PVT1: variants seen among roughly 807,000 people sequenced by gnomAD.
The protein encoded by PVT1 is Pvt1 oncogene, also known as CXCR4/PVT1 fusion.
intron 5 of PVT1, among the ~76,000 whole-genome samples, chr8:128,095,845 A>G (rs1814421383): frequency 6.6e-6 from 1 of 152,226 alleles, no homozygotes; most frequent in African/African-American, 2.4e-5. Flanking sequence ...CCTTTCTAAG[A>G]TACTTATGGA....
At chr8:127,877,466 C>T (rs183925678) in intron 2 of PVT1, among the ~76,000 whole-genome samples, 53 of 152,064 alleles carry the variant, frequency 3.5e-4, no homozygotes, top group African/African-American at 1.2e-3. Flanking sequence ...ACCTCTACCC[C>T]GAGGGTCTCT....
At chr8:128,044,011 A>ATTTTTTTTTTT (rs66807418) in intron 4 of PVT1, among the ~76,000 whole-genome samples, 5 of 97,916 alleles carry the variant, frequency 5.1e-5, no homozygotes, top group African/African-American at 1.0e-4. Context: ...ATTATTATTT[A>ATTTTTTTTTTT]TTTATTTTTT....
At chr8:128,026,391 CTGTT>C (rs911496186) in intron 4 of PVT1, among the ~76,000 whole-genome samples, 1 of 151,920 alleles carries the variant, frequency 6.6e-6, no homozygotes, top group African/African-American at 2.4e-5. Context: ...TTTCTCTGCT[CTGTT>C]TTTTGTTTGG....
At chr8:127,955,370 C>G (rs1816556065) in intron 3 of PVT1, among the ~76,000 whole-genome samples, 1 of 152,150 alleles carries the variant, frequency 6.6e-6, no homozygotes, top group African/African-American at 2.4e-5. Flanking sequence ...GTCTATACTC[C>G]TTTTTTATGG....
intron 2 of PVT1, among the ~76,000 whole-genome samples, chr8:127,865,747 G>A (rs1433265933): frequency 3.3e-5 from 5 of 152,344 alleles, no homozygotes; most frequent in Admixed American, 1.3e-4. Flanking sequence ...TTAAGCCTCT[G>A]AGTTTGTACT....
chr8:127,809,029 C>CAAAAAAAAA (rs1158760672), intron 2 of PVT1, among the ~76,000 whole-genome samples: 251 of 28,066 alleles, frequency 8.9e-3, no homozygotes, highest in Non-Finnish European at 0.012. Flanking sequence ...GATTCCATCT[C>CAAAAAAAAA]AAAAAAAAAA....
intron 5 of PVT1, among the ~76,000 whole-genome samples, chr8:128,082,176 C>G (rs992891392): frequency 2.0e-5 from 3 of 152,180 alleles, no homozygotes; most frequent in African/African-American, 7.2e-5. Context: ...TATATTATTT[C>G]ATTTTACACT....
chr8:128,002,120 G>A (rs1410614283), intron 4 of PVT1, among the ~76,000 whole-genome samples: 1 of 152,216 alleles, frequency 6.6e-6, no homozygotes, highest in African/African-American at 2.4e-5. Context: ...TGAAACTTGA[G>A]TGATTAATTG....
Position 127,898,130 on chromosome 8 carries a change from G to T in PVT1, n.782+7132G>T, listed in dbSNP as rs915938146. ...AGGAAGGAAGGAAGAAAGAAGGAAA[G>T]AAAGAAGATTCATTATTCTGTCCTC... On this transcript the variant is annotated intron_variant and non_coding_transcript_variant, in intron 3 of 10. Transcript: ENST00000651587. This position sits in a 1 kb window ranked among gnomAD's most constrained non-coding sequence, Gnocchi z 4.4. Among the ~76,000 whole-genome samples the T allele has an allele frequency of 2.0e-5, 3 of 148,856 alleles. No individual in the cohort carries two copies. Among genetic ancestry groups the T allele is most frequent in the African/African-American group, 7.4e-5 (3 of 40,476 alleles).
chr8:128,024,331 G>T (rs930872502), intron 4 of PVT1, among the ~76,000 whole-genome samples: 2 of 152,158 alleles, frequency 1.3e-5, no homozygotes, highest in Admixed American at 6.5e-5. Flanking sequence ...CTTGTGGAGG[G>T]CTGTCATAGT....
chr8:128,010,851 C>A (rs919378954), intron 4 of PVT1, among the ~76,000 whole-genome samples: 1 of 152,168 alleles, frequency 6.6e-6, no homozygotes, highest in African/African-American at 2.4e-5. Context: ...AGTTAAAGTT[C>A]CCCAGGGGTT....
intron 5 of PVT1, among the ~76,000 whole-genome samples, chr8:128,077,770 C>G (rs1186633775): frequency 6.6e-6 from 1 of 152,092 alleles, no homozygotes; most frequent in Non-Finnish European, 1.5e-5. Context: ...AAATGTAGAA[C>G]AAGTCACATT....
At chr8:127,855,014 G>C in intron 2 of PVT1, 1 of 394,924 alleles carries the variant, frequency 2.5e-6, no homozygotes, top group South Asian at 1.4e-4. Context: ...GAGGCACAGA[G>C]TTAGAAAGCA....
chr8:127,851,561 A>G (rs1815107508), intron 2 of PVT1, among the ~76,000 whole-genome samples: 1 of 152,144 alleles, frequency 6.6e-6, no homozygotes, highest in African/African-American at 2.4e-5. Flanking sequence ...TGCTGCACGG[A>G]CACAGCCATT....
At chr8:127,896,780 C>CCCCCCA (rs1815683721) in intron 3 of PVT1, among the ~76,000 whole-genome samples, 1 of 141,098 alleles carries the variant, frequency 7.1e-6, no homozygotes, top group Non-Finnish European at 1.5e-5. Context: ...TTCCTCCCCC[C>CCCCCCA]CCCCGCCCCC....
Position 128,074,913 on chromosome 8 carries a change from T to C in PVT1, n.1114+4552T>C, listed in dbSNP as rs190327406. The stretch of plus-strand genomic sequence containing the variant: ...TTTGGCAGAGCCATTTCTAGTCTAG[T>C]GGAGTAAACCATATGTACTGATAAA... On this transcript the variant is annotated intron_variant and non_coding_transcript_variant, in intron 5 of 10. Transcript: ENST00000651587. Among the ~76,000 whole-genome samples the C allele has an allele frequency of 3.3e-5, 5 of 152,360 alleles. No homozygotes were observed. The East Asian group carries it at 9.6e-4, about 29-fold the overall frequency.
At chr8:127,961,471 A>C (rs1282199070) in intron 3 of PVT1, among the ~76,000 whole-genome samples, 1 of 152,176 alleles carries the variant, frequency 6.6e-6, no homozygotes, top group Non-Finnish European at 1.5e-5. Flanking sequence ...TGTACTAGGA[A>C]ATGCGGAGGT....
intron 2 of PVT1, among the ~76,000 whole-genome samples, chr8:127,797,141 A>ATGCTGGGAGGCCTCCCAAGT (rs1814406466): frequency 1.3e-5 from 2 of 151,058 alleles, no homozygotes; most frequent in Admixed American, 6.6e-5. Flanking sequence ...GCCTCCCAAA[A>ATGCTGGGAGGCCTCCCAAGT]TGCTGGGAGG....
At chr8:128,014,906 A>G (rs1817354339) in intron 4 of PVT1, among the ~76,000 whole-genome samples, 1 of 152,162 alleles carries the variant, frequency 6.6e-6, no homozygotes, top group African/African-American at 2.4e-5. Context: ...GCATGCCACA[A>G]GCTGGGTGCT....
Sources: allele counts gnomAD v4.1 joint callset (sites outside exome capture counted in the v4.1 genomes callset), GRCh38; gene constraint gnomAD v4.1.1; non-coding constraint Gnocchi (gnomAD v3.1); transcripts MANE v1.5; gene names NCBI Gene and HGNC (gene_info 2026-07-23, HGNC 2026-07-21).